The following GRM5 variants were observed in gnomAD, a reference collection of about 807,000 sequenced individuals.
The protein encoded by GRM5 is glutamate metabotropic receptor 5, also known as metabotropic glutamate receptor 5.
GRM5 carries 19 observed loss-of-function variants against 83.1 expected under a neutral mutation model. The observed-to-expected ratio is 0.23, with a 90% CI of 0.16 to 0.34. The LOEUF is 0.34. Among genes scored for constraint, GRM5 ranks in the 10% least tolerant of loss-of-function variants. The probability of loss-of-function intolerance (pLI) is 1.00; values close to 1 mark genes in which losing one functional copy is unlikely to be tolerated. For missense variants in GRM5, 1,160 were observed against 1,588.3 expected (o/e 0.73, Z 4.58); for synonymous variants, 675 against 633.6 (o/e 1.07, Z -0.98).
intron 4 of GRM5, among the ~76,000 whole-genome samples, chr11:88,635,976 A>G (rs1470245907): frequency 6.6e-6 from 1 of 152,234 alleles, no homozygotes; most frequent in Non-Finnish European, 1.5e-5. Flanking sequence ...TAGAAATACA[A>G]TTCATTTTTC....
chr11:88,955,540 A>T (rs185979434), intron 2 of GRM5, among the ~76,000 whole-genome samples: 1,668 of 152,322 alleles, frequency 0.011, 35 homozygotes, highest in African/African-American at 0.038. Context: ...TGCCATATTT[A>T]TTTCTCCACT....
intron 3 of GRM5, among the ~76,000 whole-genome samples, chr11:88,838,829 CACTG>C (rs1419316490): frequency 6.6e-6 from 1 of 151,236 alleles, no homozygotes; most frequent in Admixed American, 6.6e-5. Flanking sequence ...TTCCAATCTC[CACTG>C]ACTGTTTCTC....
chr11:88,965,618 A>G (rs1295310650), intron 2 of GRM5, among the ~76,000 whole-genome samples: 1 of 151,346 alleles, frequency 6.6e-6, no homozygotes, highest in Non-Finnish European at 1.5e-5. Context: ...AGCAATATTA[A>G]TAACAGACAA....
chr11:89,060,800 C>T (rs1380943968), intron 1 of GRM5, among the ~76,000 whole-genome samples: 1 of 152,134 alleles, frequency 6.6e-6, no homozygotes, highest in Non-Finnish European at 1.5e-5. Flanking sequence ...AAGATACTAT[C>T]TCATTTACAA....
intron 4 of GRM5, among the ~76,000 whole-genome samples, chr11:88,621,277 G>T (rs1938627170): frequency 6.6e-6 from 1 of 152,126 alleles, no homozygotes; most frequent in Admixed American, 6.5e-5. Flanking sequence ...TCTTTTCAAT[G>T]AGTTATATTT....
chr11:88,819,734 G>C lies in GRM5; in HGVS notation c.911+30172C>G, dbSNP rs1010101333. Among the ~76,000 whole-genome samples, 6 of 152,238 alleles carry C rather than the reference G, an allele frequency of 3.9e-5. No homozygotes were observed. In the South Asian group the frequency reaches 1.2e-3, roughly 32 times the overall value. On this transcript the variant is annotated intron_variant, in intron 3 of 9. Coordinates refer to ENST00000305447, the MANE Select transcript of GRM5 (RefSeq NM_001143831.3). Reference sequence around the variant, plus strand: ...TGCTATAACAGAATACCTGAAAATGGGTGGTTTAATAAGAACACAGATTTG... The same window carrying C: ...TGCTATAACAGAATACCTGAAAATGCGTGGTTTAATAAGAACACAGATTTG...
At chr11:88,643,697 G>T (rs1436027925) in intron 4 of GRM5, among the ~76,000 whole-genome samples, 1 of 152,030 alleles carries the variant, frequency 6.6e-6, no homozygotes, top group Admixed American at 6.6e-5. Flanking sequence ...ATTTTATTTG[G>T]CTCTTAAAGT....
At chr11:88,869,744 G>A (rs937156406) in intron 2 of GRM5, among the ~76,000 whole-genome samples, 1 of 151,278 alleles carries the variant, frequency 6.6e-6, no homozygotes, top group African/African-American at 2.4e-5. Flanking sequence ...TCAAAAATGT[G>A]AGCCAACAGC....
Position 88,508,608 on chromosome 11 carries a change from C to A in GRM5, c.3623G>T (p.Ser1208Ile). Residue 1208 changes from serine to isoleucine, a missense_variant, in exon 10 of 10, where the codon AGC (serine) becomes ATC (isoleucine). Coordinates refer to ENST00000305447, the MANE Select transcript of GRM5 (RefSeq NM_001143831.3). This position sits in a 1 kb window ranked among gnomAD's most constrained non-coding sequence, Gnocchi z 4.2. ...CAGGGACATTCACAACGACGAGGAG[C>A]TCTGAGTGTAATCTCTTATGATAAG... The part of the protein sequence containing the change: ...DTLIIRDYTQ[S>I]SSSL 6.2e-7 allele frequency: 1 copy of A among 1,608,858 alleles called. No homozygotes were observed. Among genetic ancestry groups the A allele is most frequent in the Non-Finnish European group, 8.5e-7 (1 of 1,177,654 alleles).
At chr11:88,787,320 G>C (rs896916438) in intron 3 of GRM5, among the ~76,000 whole-genome samples, 1 of 151,768 alleles carries the variant, frequency 6.6e-6, no homozygotes, top group African/African-American at 2.4e-5. Context: ...AAATATCCAG[G>C]GCAGGAAAGA....
At chr11:88,919,239 T>A (rs771469735) in intron 2 of GRM5, among the ~76,000 whole-genome samples, 1 of 17,054 alleles carries the variant, frequency 5.9e-5, no homozygotes, top group Non-Finnish European at 1.0e-4. Context: ...CAGGAGTAGC[T>A]ATATATATAT....
intron 2 of GRM5, among the ~76,000 whole-genome samples, chr11:89,037,795 G>C (rs1436136676): frequency 6.6e-6 from 1 of 152,038 alleles, no homozygotes; most frequent in Admixed American, 6.6e-5. Context: ...ATAAATTCAT[G>C]TGTATCGGTT....
chr11:88,720,821 CGT>C (rs869078157), intron 3 of GRM5, among the ~76,000 whole-genome samples: 8 of 137,146 alleles, frequency 5.8e-5, no homozygotes, highest in East Asian at 4.2e-4. Context: ...TGTGTGTGTG[CGT>C]GTGTGTGTGT....
intron 1 of GRM5, among the ~76,000 whole-genome samples, chr11:89,051,957 C>G (rs1250072396): frequency 2.0e-5 from 3 of 152,154 alleles, no homozygotes; most frequent in African/African-American, 7.2e-5. Flanking sequence ...CAAGTTGAAT[C>G]AACTGTATTT....
At chr11:89,062,423 C>T (rs1469408776) in intron 1 of GRM5, among the ~76,000 whole-genome samples, 1 of 152,164 alleles carries the variant, frequency 6.6e-6, no homozygotes. Flanking sequence ...ATGGCCAGTG[C>T]CCAGGATTAG....
intron 3 of GRM5, among the ~76,000 whole-genome samples, chr11:88,776,414 A>G (rs1421314117): frequency 6.6e-6 from 1 of 152,126 alleles, no homozygotes; most frequent in South Asian, 2.1e-4. Context: ...GTATCTTTTA[A>G]TTGGGGCATT....
rs545582824 is a variant in GRM5, at chr11:88,767,855, A to T, written c.911+82051T>A. On this transcript the variant is annotated intron_variant, in intron 3 of 9. Transcript: ENST00000305447. The stretch of plus-strand genomic sequence containing the variant: ...AAAATTAAAGATGCTTAGCATAATT[A>T]ATCATTAGGGACATTCAAATCAAAA... Among the ~76,000 whole-genome samples the T allele has an allele frequency of 2.0e-5, 3 of 152,106 alleles. No homozygotes were observed. The East Asian group carries it at 5.8e-4, about 29-fold the overall frequency.
At chr11:89,014,558 T>A (rs1458319661) in intron 2 of GRM5, among the ~76,000 whole-genome samples, 1 of 152,126 alleles carries the variant, frequency 6.6e-6, no homozygotes, top group Non-Finnish European at 1.5e-5. Flanking sequence ...GAGGCACAGA[T>A]GATTAATGGG....
At chr11:88,754,435 A>G (rs1055873105) in intron 3 of GRM5, among the ~76,000 whole-genome samples, 9 of 152,160 alleles carry the variant, frequency 5.9e-5, no homozygotes, top group African/African-American at 2.2e-4. Context: ...ACTTAAAATA[A>G]AAGTTGAAGA....
Sources: gnomAD v4.1 joint callset for allele counts (sites outside exome capture counted in the v4.1 genomes callset) on GRCh38, gnomAD v4.1.1 for gene constraint, Gnocchi (gnomAD v3.1) non-coding constraint, MANE v1.5 for transcripts, NCBI Gene and HGNC (gene_info 2026-07-23, HGNC 2026-07-21) for gene names.